Variants in HERC2 observed in about 807,000 individuals in gnomAD.
HERC2 encodes the protein HECT and RLD domain containing E3 ubiquitin protein ligase 2.
In HERC2, 102 loss-of-function variants were observed where a neutral mutation model predicts 537.7. The ratio of observed to expected loss-of-function variants is 0.19; its 90% CI spans 0.16 to 0.22. HERC2 has a LOEUF of 0.22. HERC2 is among the 10% of genes least tolerant of loss of function. HERC2 has a pLI of 1.00. For synonymous variants in HERC2, 2,224 were observed against 2,466.2 expected, an observed-to-expected ratio of 0.90 and a Z score of 2.91; for missense variants, 4,236 against 6,198.2, an observed-to-expected ratio of 0.68 and a Z score of 10.63.
chr15:28,291,791 G>A lies in HERC2; in HGVS notation c.322+1097C>T, dbSNP rs1170176502. Among the ~76,000 whole-genome samples, 7 of 151,422 alleles carry A rather than the reference G, an allele frequency of 4.6e-5. No individual in the cohort carries two copies. The East Asian group carries it at 1.4e-3, about 29-fold the overall frequency. ...GTGGTGGTGCACGCCTGTAGTCCCA[G>A]CTACTCGGAAGGCTGAGGCAGGAGA... On this transcript the variant is annotated intron_variant, in intron 4 of 92. Transcript: ENST00000261609.
At chr15:28,115,590 A>C in intron 88 of HERC2, 49 bp from the exon 89 acceptor site, 1 of 1,412,848 alleles carries the variant, frequency 7.1e-7, no homozygotes, top group Non-Finnish European at 1.0e-6. Context: ...AAGGATGACA[A>C]AACTTCCCGC....
At position 28,165,638 on chromosome 15, in the gene HERC2, G is replaced by GA. The variant is rs796828104; in HGVS notation, c.10554+2048dup. Among the ~76,000 whole-genome samples the GA allele has an allele frequency of 1.1e-3, 158 of 144,294 alleles. No individual in the cohort carries two copies. The East Asian group carries it at 0.011, about 10-fold the overall frequency. The allele number at this position is 144,294 out of a possible 152,430, so 94.7% of individuals were successfully genotyped here. A position where few individuals can be genotyped will look rare whatever the true frequency, so the allele number is the denominator to read the frequency against. Reference sequence around the variant, plus strand: ...AAAACCTATCTCTGAAAAAAAAAGAGAAAAAAAAAAATACAAAAATTAGCC... The same window carrying GA: ...AAAACCTATCTCTGAAAAAAAAAGAGAAAAAAAAAAAATACAAAAATTAGCC... On this transcript the variant is annotated intron_variant, in intron 68 of 92. Coordinates refer to ENST00000261609, the MANE Select transcript of HERC2 (RefSeq NM_004667.6).
In HERC2 at chr15:28,140,882, G is replaced by A. The variant is rs144701799; in HGVS notation, c.12015+550C>T. ...ATAGCAAACAAGAAATACATCTAAC[G>A]AGTGATGTGCAAATAAAAATTGTAA... On this transcript the variant is annotated intron_variant, in intron 78 of 92. Transcript: ENST00000261609. Among the ~76,000 whole-genome samples the A allele has an allele frequency of 4.6e-3, 701 of 151,992 alleles. 5 individuals carry two copies. Among genetic ancestry groups the A allele is most frequent in the Non-Finnish European group, 5.7e-3 (385 of 67,986 alleles).
At chr15:28,112,111 C>A in intron 92 of HERC2, 76 bp from the exon 93 acceptor site, 1 of 1,411,402 alleles carries the variant, frequency 7.1e-7, no homozygotes, top group Non-Finnish European at 9.8e-7. Context: ...TTAGACTCTT[C>A]GTGCTCACAA....
chr15:28,135,088 C>T (rs1156610600), intron 79 of HERC2, among the ~76,000 whole-genome samples: 1 of 152,254 alleles, frequency 6.6e-6, no homozygotes, highest in Non-Finnish European at 1.5e-5. Context: ...TTGGTTCATT[C>T]TTTTACAAAT....
At chr15:28,280,624 G>C (rs1182302215) in intron 4 of HERC2, among the ~76,000 whole-genome samples, 1 of 152,136 alleles carries the variant, frequency 6.6e-6, no homozygotes, top group African/African-American at 2.4e-5. Context: ...AAAGAAGTTG[G>C]CCGGGCACAG....
intron 2 of HERC2, among the ~76,000 whole-genome samples, chr15:28,316,487 T>G (rs553710543): frequency 9.9e-4 from 151 of 152,216 alleles, no homozygotes; most frequent in African/African-American, 3.3e-3. Context: ...AAAAAAAAAT[T>G]TTTTTGCTGC....
intron 24 of HERC2, 125 bp downstream of exon 24, chr15:28,238,477 C>T (rs1902692565): frequency 1.3e-6 from 1 of 764,996 alleles, no homozygotes; most frequent in African/African-American, 1.8e-5. Flanking sequence ...GACATCGAAG[C>T]CACAGATACA....
chr15:28,285,543 C>A (rs909632696), intron 4 of HERC2, among the ~76,000 whole-genome samples: 2 of 151,664 alleles, frequency 1.3e-5, no homozygotes, highest in Non-Finnish European at 2.9e-5. Context: ...GAAAGAGCTA[C>A]AGTGGGTGAT....
intron 4 of HERC2, among the ~76,000 whole-genome samples, chr15:28,283,032 CAAAAAAAAAAAAAAA>C (rs35092122): frequency 4.2e-5 from 2 of 47,430 alleles, no homozygotes; most frequent in Admixed American, 3.6e-4. Context: ...AATGTCCCAG[CAAAAAAAAAAAAAAA>C]AAAAAAAAAA....
intron 70 of HERC2, among the ~76,000 whole-genome samples, chr15:28,147,626 C>G (rs1292306588): frequency 2.1e-5 from 3 of 145,994 alleles, no homozygotes; most frequent in Admixed American, 6.6e-5. Context: ...GACAAAGTGA[C>G]AAAGCTTTTC....
chr15:28,231,128 T>C (rs1309925798), intron 30 of HERC2, among the ~76,000 whole-genome samples: 1 of 152,156 alleles, frequency 6.6e-6, no homozygotes, highest in Non-Finnish European at 1.5e-5. Context: ...TTCCTCCCTA[T>C]ACTTTATCTC....
intron 4 of HERC2, among the ~76,000 whole-genome samples, chr15:28,289,365 A>G (rs191686746): frequency 0.023 from 3,483 of 149,466 alleles, 120 homozygotes; most frequent in Non-Finnish European, 0.028. Context: ...TCAAATTTAC[A>G]AATATGATGT....
In HERC2 at chr15:28,248,368, A is replaced by G. The variant is rs111400032; in HGVS notation, c.3235+184T>C. Among the ~76,000 whole-genome samples, 1,171 of 152,342 alleles carry G rather than the reference A, an allele frequency of 7.7e-3. 21 individuals carry two copies. The highest frequency in any genetic ancestry group is 0.027 in the African/African-American group (1,115 of 41,574). On this transcript the variant is annotated intron_variant, in intron 21 of 92. Transcript: ENST00000261609. Reference sequence around the variant, plus strand: ...AAATATTAAGGCAACAAAATTAAAAATATTAACGAGGCTATTATAGAAAGG... The same window carrying G: ...AAATATTAAGGCAACAAAATTAAAAGTATTAACGAGGCTATTATAGAAAGG...
intron 3 of HERC2, among the ~76,000 whole-genome samples, chr15:28,296,598 T>C (rs937980545): frequency 6.6e-6 from 1 of 151,868 alleles, no homozygotes; most frequent in Non-Finnish European, 1.5e-5. Context: ...GAAAACACTT[T>C]GGGAAAAATT....
chr15:28,304,702 ATT>A lies in HERC2; in HGVS notation c.73-5188_73-5187del, dbSNP rs780900477. Among the ~76,000 whole-genome samples the A allele has an allele frequency of 3.9e-3, 425 of 108,330 alleles. 1 individual carries two copies. Among genetic ancestry groups the A allele is most frequent in the African/African-American group, 0.013 (388 of 29,688 alleles). 71.1% of individuals were successfully genotyped at this position (108,330 alleles called of 152,430 possible). Reference sequence around the variant, plus strand: ...TCTGACTCCTCTAGCAAGGGCTTCCATTTTTTTTTTTTTTTTTTTTTTTATAC... The same window carrying A: ...TCTGACTCCTCTAGCAAGGGCTTCCATTTTTTTTTTTTTTTTTTTTTATAC... On this transcript the variant is annotated intron_variant, in intron 2 of 92. Coordinates refer to ENST00000261609, the MANE Select transcript of HERC2 (RefSeq NM_004667.6).
intron 74 of HERC2, 83 bp from the exon 75 acceptor site, chr15:28,143,035 T>C: frequency 1.4e-6 from 2 of 1,392,492 alleles, no homozygotes; most frequent in East Asian, 2.3e-5. Flanking sequence ...TCAAATGTTT[T>C]ATTATGTTGG....
At chr15:28,181,283 C>A (rs1253807274) in intron 57 of HERC2, among the ~76,000 whole-genome samples, 1 of 152,158 alleles carries the variant, frequency 6.6e-6, no homozygotes, top group African/African-American at 2.4e-5. Context: ...AGGCAGTGAG[C>A]AAGGTCATAG....
At chr15:28,281,588 A>G (rs1253318348) in intron 4 of HERC2, among the ~76,000 whole-genome samples, 2 of 152,196 alleles carry the variant, frequency 1.3e-5, no homozygotes, top group Non-Finnish European at 2.9e-5. Context: ...CAGTAGAGAG[A>G]AACATCTCAC....
Sources: allele counts gnomAD v4.1 joint callset (sites outside exome capture counted in the v4.1 genomes callset), GRCh38; gene constraint gnomAD v4.1.1; transcripts MANE v1.5; gene names NCBI Gene and HGNC (gene_info 2026-07-23, HGNC 2026-07-21).